SLC2A13: variants seen among roughly 807,000 people sequenced by gnomAD.
SLC2A13 encodes the protein solute carrier family 2 member 13, also known as proton myo-inositol cotransporter.
SLC2A13 carries 32 observed loss-of-function variants against 64.4 expected under a neutral mutation model. The ratio of observed to expected loss-of-function variants is 0.50; its 90% CI spans 0.37 to 0.67. The LOEUF is 0.67. Ranked by LOEUF, SLC2A13 falls within the 30% of genes least tolerant of loss-of-function variation. The pLI is 0.00. For synonymous variants in SLC2A13, 338 were observed against 327.1 expected, an observed-to-expected ratio of 1.03 and a Z score of -0.36; for missense variants, 743 against 829.2, an observed-to-expected ratio of 0.90 and a Z score of 1.28.
rs142374908 is a variant in SLC2A13 at position 40,083,955 on chromosome 12, G to A, written c.556+21298C>T. Among the ~76,000 whole-genome samples, 629 of 152,196 alleles carry A rather than the reference G, an allele frequency of 4.1e-3. 1 individual carries two copies. Among genetic ancestry groups the A allele is most frequent in the African/African-American group, 0.014 (581 of 41,520 alleles). On this transcript the variant is annotated intron_variant, in intron 1 of 9. Transcript: ENST00000280871. ...GGCTGTGGAAGACTTACCCCATTTC[G>A]ATCAACACCAGGTATCATTCATTAT...
intron 3 of SLC2A13, among the ~76,000 whole-genome samples, chr12:40,006,093 G>A (rs1947413207): frequency 6.7e-6 from 1 of 148,560 alleles, no homozygotes; most frequent in Admixed American, 6.7e-5. Context: ...CACCATATGA[G>A]TATAAATTAA....
At chr12:40,103,240 C>T (rs549582727) in intron 1 of SLC2A13, among the ~76,000 whole-genome samples, 1 of 152,290 alleles carries the variant, frequency 6.6e-6, no homozygotes, top group South Asian at 2.1e-4. Flanking sequence ...ATGCCCTATG[C>T]TTTCCTTCCT....
intron 4 of SLC2A13, among the ~76,000 whole-genome samples, chr12:39,888,426 T>A (rs11174140): frequency 0.22 from 32,874 of 152,064 alleles, 3,839 homozygotes; most frequent in East Asian, 0.34. Flanking sequence ...GGTTTCACCA[T>A]ATTGGTCAGG....
chr12:39,896,307 T>C (rs572661495), intron 4 of SLC2A13, among the ~76,000 whole-genome samples: 2 of 135,420 alleles, frequency 1.5e-5, no homozygotes, highest in African/African-American at 2.7e-5. Context: ...TATATATGTA[T>C]ACATATATGT....
chr12:39,756,175 C>T lies in SLC2A13; in HGVS notation c.*3851G>A, dbSNP rs1031651378. Reference sequence around the variant, plus strand: ...AAAACAGGATGTAAAAATTAATCCACAGAACAATTCTGAGCCTTCTTATTG... The same window carrying T: ...AAAACAGGATGTAAAAATTAATCCATAGAACAATTCTGAGCCTTCTTATTG... On this transcript the variant is annotated 3_prime_UTR_variant, in exon 10 of 10. Transcript: ENST00000280871. 3.3e-5 allele frequency: 5 copies of T among 151,878 alleles called. No individual in the cohort carries two copies. Among genetic ancestry groups the T allele is most frequent in the Admixed American group, 3.3e-4 (5 of 15,198 alleles). The allele number at this position is 151,878 out of a possible 1,614,324, so 9.4% of individuals were successfully genotyped here.
intron 4 of SLC2A13, among the ~76,000 whole-genome samples, chr12:39,891,547 G>A (rs1346928313): frequency 6.6e-6 from 1 of 152,120 alleles, no homozygotes; most frequent in African/African-American, 2.4e-5. Context: ...AATTCTAGGA[G>A]TCGTGAAATG....
chr12:40,017,990 A>AG (rs1046250329), intron 3 of SLC2A13, among the ~76,000 whole-genome samples: 48 of 151,386 alleles, frequency 3.2e-4, no homozygotes, highest in African/African-American at 7.3e-4. Context: ...AAAAAAAAAA[A>AG]AAAGAAAGAA....
At chr12:39,775,603 C>A (rs1940746998) in intron 7 of SLC2A13, among the ~76,000 whole-genome samples, 1 of 152,182 alleles carries the variant, frequency 6.6e-6, no homozygotes, top group African/African-American at 2.4e-5. Flanking sequence ...ACATCCAAAG[C>A]AAGCCTGGCC....
intron 6 of SLC2A13, among the ~76,000 whole-genome samples, chr12:39,855,448 C>T (rs1021496373): frequency 6.6e-6 from 1 of 152,140 alleles, no homozygotes; most frequent in Non-Finnish European, 1.5e-5. Context: ...TCTGTCATGG[C>T]CCTGGGGAAA....
intron 6 of SLC2A13, among the ~76,000 whole-genome samples, chr12:39,857,670 TTC>T (rs2135909344): frequency 6.6e-6 from 1 of 152,338 alleles, no homozygotes; most frequent in East Asian, 1.9e-4. Flanking sequence ...CTTTGAAGGC[TTC>T]TCAGTATTCT....
chr12:39,927,392 A>G (rs1166725404), intron 4 of SLC2A13, among the ~76,000 whole-genome samples: 1 of 152,210 alleles, frequency 6.6e-6, no homozygotes, highest in Non-Finnish European at 1.5e-5. Context: ...TGGAAAGAAT[A>G]TAAACATATT....
intron 7 of SLC2A13, among the ~76,000 whole-genome samples, chr12:39,778,283 T>C (rs1359592262): frequency 6.6e-6 from 1 of 152,212 alleles, no homozygotes; most frequent in African/African-American, 2.4e-5. Flanking sequence ...AGCAAAACTG[T>C]AAGCAAAACC....
chr12:40,041,583 G>A (rs1379982527), intron 2 of SLC2A13, among the ~76,000 whole-genome samples: 1 of 152,224 alleles, frequency 6.6e-6, no homozygotes, highest in Non-Finnish European at 1.5e-5. Flanking sequence ...GACAGGAGGA[G>A]CACTTCTTAT....
chr12:39,978,266 C>T (rs1218976097), intron 3 of SLC2A13, among the ~76,000 whole-genome samples: 1 of 152,214 alleles, frequency 6.6e-6, no homozygotes. Context: ...GTGAAGAAAC[C>T]AACTTGTACT....
At chr12:40,081,148 A>G (rs1337621610) in intron 1 of SLC2A13, among the ~76,000 whole-genome samples, 1 of 152,090 alleles carries the variant, frequency 6.6e-6, no homozygotes, top group East Asian at 1.9e-4. Flanking sequence ...TTTCTTTCAC[A>G]TTGACTTTGG....
At chr12:39,768,248 T>C (rs1325284994) in intron 7 of SLC2A13, among the ~76,000 whole-genome samples, 1 of 152,074 alleles carries the variant, frequency 6.6e-6, no homozygotes, top group Non-Finnish European at 1.5e-5. Flanking sequence ...GGATTAGGCT[T>C]GTGCTTAAGG....
intron 7 of SLC2A13, among the ~76,000 whole-genome samples, chr12:39,766,996 T>G (rs749227581): frequency 3.0e-4 from 45 of 152,244 alleles, no homozygotes; most frequent in African/African-American, 9.1e-4. Flanking sequence ...CATTTGGTAT[T>G]TTGACCTCCT....
intron 3 of SLC2A13, among the ~76,000 whole-genome samples, chr12:39,964,126 TC>T (rs994043759): frequency 6.6e-6 from 1 of 152,184 alleles, no homozygotes; most frequent in Non-Finnish European, 1.5e-5. Flanking sequence ...TCCAAAAATA[TC>T]CCAGAACTAT....
At chr12:39,816,803 A>G (rs1234121196) in intron 7 of SLC2A13, among the ~76,000 whole-genome samples, 3 of 152,172 alleles carry the variant, frequency 2.0e-5, no homozygotes, top group Non-Finnish European at 4.4e-5. Context: ...CTTGGTGATA[A>G]GCTGGTGAAA....
Sources: gnomAD v4.1 joint callset for allele counts (sites outside exome capture counted in the v4.1 genomes callset) on GRCh38, gnomAD v4.1.1 for gene constraint, MANE v1.5 for transcripts, NCBI Gene and HGNC (gene_info 2026-07-23, HGNC 2026-07-21) for gene names.